The following PREX1 variants were observed in gnomAD, a reference collection of about 807,000 sequenced individuals.
PREX1 encodes phosphatidylinositol 3,4,5-trisphosphate-dependent Rac exchanger 1 protein.
Under a neutral mutation model 198.3 loss-of-function variants are expected in PREX1, and 41 were observed. The ratio of observed to expected loss-of-function variants is 0.21; its 90% CI spans 0.16 to 0.27. The LOEUF (loss-of-function observed/expected upper bound fraction) is 0.27, where lower values mean the gene tolerates loss of function less well. Among genes scored for constraint, PREX1 ranks in the 10% least tolerant of loss-of-function variants. The probability of loss-of-function intolerance (pLI) is 1.00; values close to 1 mark genes in which losing one functional copy is unlikely to be tolerated. For synonymous variants in PREX1, 843 were observed against 887.2 expected (o/e 0.95, Z 0.89); for missense variants, 1,620 against 2,200.7 (o/e 0.74, Z 5.28).
At chr20:48,682,681 G>A (rs1340965984) in intron 10 of PREX1, among the ~76,000 whole-genome samples, 2 of 152,312 alleles carry the variant, frequency 1.3e-5, no homozygotes, top group Admixed American at 6.5e-5. Flanking sequence ...GTGACTGCCC[G>A]GTGGTGAGAG....
chr20:48,788,713 G>C (rs1040940383), intron 1 of PREX1, among the ~76,000 whole-genome samples: 2 of 152,208 alleles, frequency 1.3e-5, no homozygotes, highest in African/African-American at 4.8e-5. Flanking sequence ...AATACCCGCT[G>C]TGGCAAGATT....
intron 1 of PREX1, among the ~76,000 whole-genome samples, chr20:48,764,979 C>T (rs1427192626): frequency 1.3e-5 from 2 of 152,060 alleles, no homozygotes; most frequent in Non-Finnish European, 2.9e-5. Context: ...GAGCACAGCC[C>T]TGCTGGCACC....
the PREX1 span, among the ~76,000 whole-genome samples, chr20:48,865,036 T>TGGG: frequency 6.6e-6 from 1 of 151,516 alleles, no homozygotes; most frequent in Non-Finnish European, 1.5e-5. Flanking sequence ...GAGGCAGGGT[T>TGGG]GGGGGGGGTC....
intron 1 of PREX1, among the ~76,000 whole-genome samples, chr20:48,795,767 G>A (rs139317806): frequency 1.3e-3 from 200 of 152,268 alleles, no homozygotes; most frequent in Middle Eastern, 3.4e-3. Context: ...CACATCCCAT[G>A]AGCAAAGCCA....
intron 30 of PREX1, among the ~76,000 whole-genome samples, chr20:48,639,038 G>C (rs1389381345): frequency 6.6e-6 from 1 of 152,248 alleles, no homozygotes; most frequent in Non-Finnish European, 1.5e-5. Context: ...CACTGTCCTG[G>C]TCAAACATCT....
chr20:48,796,532 C>A (rs1462755579), intron 1 of PREX1, among the ~76,000 whole-genome samples: 1 of 152,012 alleles, frequency 6.6e-6, no homozygotes, highest in African/African-American at 2.4e-5. Context: ...GGGGAGGGAA[C>A]TTGGAGGCTA....
At chr20:48,761,525 C>T (rs542198078) in intron 1 of PREX1, among the ~76,000 whole-genome samples, 3 of 151,906 alleles carry the variant, frequency 2.0e-5, no homozygotes, top group Non-Finnish European at 2.9e-5. Flanking sequence ...TCTCACCCCA[C>T]CCCGCCCCGT....
chr20:48,648,675 C>T (rs1019194941), intron 25 of PREX1, among the ~76,000 whole-genome samples: 4 of 152,212 alleles, frequency 2.6e-5, no homozygotes, highest in African/African-American at 9.6e-5. Context: ...GAGGCTGCAT[C>T]TGGCAGGTCC....
Position 48,827,214 on chromosome 20 carries a change from G to A in PREX1, c.219+428C>T, listed in dbSNP as rs1447916387. Among the ~76,000 whole-genome samples the A allele has an allele frequency of 6.6e-6, 1 of 152,232 alleles. No homozygotes were observed. The highest frequency in any genetic ancestry group is 2.4e-5 in the African/African-American group (1 of 41,466). On this transcript the variant is annotated intron_variant, in intron 1 of 39. Transcript: ENST00000371941. This position sits in a 1 kb window ranked among gnomAD's most constrained non-coding sequence, Gnocchi z 4.1. ...CTCCATCAACGCGCAGGGACGTTGGGCTCTGGGGCTCCTACGGTATGTCCT... is the reference window on the plus strand; with the variant it reads ...CTCCATCAACGCGCAGGGACGTTGGACTCTGGGGCTCCTACGGTATGTCCT...
chr20:48,794,817 G>A (rs1280693730), intron 1 of PREX1, among the ~76,000 whole-genome samples: 1 of 152,224 alleles, frequency 6.6e-6, no homozygotes, highest in African/African-American at 2.4e-5. Flanking sequence ...AGTGCTTGCT[G>A]GGTACCAGAC....
chr20:48,827,736 T>G lies in PREX1; in HGVS notation c.125A>C (p.Glu42Ala). The change falls in exon 1 of 40, where the codon GAG (glutamate) becomes GCG (alanine). Residue 42 changes from glutamate to alanine, a missense_variant. Coordinates refer to ENST00000371941, the MANE Select transcript of PREX1 (RefSeq NM_020820.4). This position sits in a 1 kb window ranked among gnomAD's most constrained non-coding sequence, Gnocchi z 4.1. ...GCGGAGGCGCAGCTGGCGCTCGGAC[T>G]CCCGGGCGGCCGCGCACGGGCCGGG... ...SGPGPCAAAR[E>A]SERQLRLRLC... 6.2e-6 allele frequency: 8 copies of G among 1,299,078 alleles called. No homozygotes were observed. The highest frequency in any genetic ancestry group is 4.0e-5 in the South Asian group (2 of 49,788). 80.5% of individuals were successfully genotyped at this position (1,299,078 alleles called of 1,614,324 possible).
chr20:48,773,765 C>G (rs751316263), intron 1 of PREX1, among the ~76,000 whole-genome samples: 5 of 152,120 alleles, frequency 3.3e-5, no homozygotes, highest in Non-Finnish European at 7.4e-5. Flanking sequence ...GGGTCTTCAG[C>G]TTTTCTCTGG....
At chr20:48,667,733 G>A (rs548358520) in intron 14 of PREX1, among the ~76,000 whole-genome samples, 4 of 152,354 alleles carry the variant, frequency 2.6e-5, no homozygotes, top group African/African-American at 4.8e-5. Flanking sequence ...GAACAGGCAC[G>A]GCCCGTGTGC....
At chr20:48,730,125 TGAAA>T (rs1316029101) in intron 4 of PREX1, among the ~76,000 whole-genome samples, 1 of 151,788 alleles carries the variant, frequency 6.6e-6, no homozygotes, top group Non-Finnish European at 1.5e-5. Flanking sequence ...CCTCCACAAC[TGAAA>T]GAGAATCAAT....
At chr20:48,819,714 C>T (rs1029855215) in intron 1 of PREX1, among the ~76,000 whole-genome samples, 53 of 152,320 alleles carry the variant, frequency 3.5e-4, no homozygotes, top group Non-Finnish European at 2.9e-5. Flanking sequence ...CAACTCTGGT[C>T]CTTTTCTCAA....
rs111663023 is a variant in PREX1 at position 48,781,249 on chromosome 20, A to G, written c.220-33369T>C. ...TAGTTAATAGTACTGTATCAAGATT[A>G]ATTTTTTCTACTACAAAGAAGTACT... On this transcript the variant is annotated intron_variant, in intron 1 of 39. Transcript: ENST00000371941. Among the ~76,000 whole-genome samples the G allele has an allele frequency of 8.2e-3, 1,256 of 152,284 alleles. 13 individuals are homozygous for G. The highest frequency in any genetic ancestry group is 0.028 in the African/African-American group (1,170 of 41,558).
the PREX1 span, among the ~76,000 whole-genome samples, chr20:48,879,041 C>T: frequency 2.0e-5 from 3 of 152,106 alleles, no homozygotes; most frequent in African/African-American, 7.2e-5. Context: ...TCTTTGAGCC[C>T]CTGGATTCAG....
the PREX1 span, among the ~76,000 whole-genome samples, chr20:48,850,647 T>G: frequency 6.6e-6 from 1 of 151,650 alleles, no homozygotes; most frequent in African/African-American, 2.4e-5. Flanking sequence ...TCTGAGCAGG[T>G]TTAAGAGGGG....
Position 48,747,806 on chromosome 20 carries a change from C to T in PREX1, c.291+3G>A. ...GAACAGGGGCCAGCCCCAGCGTCCA[C>T]ACCTTGACATTCTCCTCCGTGAGGC... On this transcript the variant is annotated splice_donor_region_variant and intron_variant, in intron 2 of 39. Transcript: ENST00000371941. The T allele has an allele frequency of 6.2e-7, 1 of 1,612,348 alleles. No individual in the cohort carries two copies. Among genetic ancestry groups the T allele is most frequent in the Non-Finnish European group, 8.5e-7 (1 of 1,178,910 alleles).
Sources: allele counts gnomAD v4.1 joint callset (sites outside exome capture counted in the v4.1 genomes callset), GRCh38; gene constraint gnomAD v4.1.1; non-coding constraint Gnocchi (gnomAD v3.1); transcripts MANE v1.5; gene names NCBI Gene and HGNC (gene_info 2026-07-23, HGNC 2026-07-21).